UNK: variants seen among roughly 807,000 people sequenced by gnomAD.
UNK encodes the protein unk zinc finger.
Under a neutral mutation model 97.6 loss-of-function variants are expected in UNK, and 32 were observed. That is an observed-to-expected ratio of 0.33 (90% CI 0.25 to 0.44). The LOEUF (loss-of-function observed/expected upper bound fraction) is 0.44, where lower values mean the gene tolerates loss of function less well. Ranked by LOEUF, UNK falls within the 20% of genes least tolerant of loss-of-function variation. The probability of loss-of-function intolerance (pLI) is 1.00; values close to 1 mark genes in which losing one functional copy is unlikely to be tolerated. For synonymous variants in UNK, 441 were observed against 461.2 expected (o/e 0.96, Z 0.56); for missense variants, 771 against 1,098.4 (o/e 0.70, Z 4.21).
chr17:75,818,245 T>C lies in UNK; in HGVS notation c.1371+77T>C, dbSNP rs774502523. On this transcript the variant is annotated intron_variant, in intron 10 of 15. Coordinates refer to ENST00000589666, the MANE Select transcript of UNK (RefSeq NM_001080419.3). This position sits in a 1 kb window ranked among gnomAD's most constrained non-coding sequence, Gnocchi z 5.1. ...CAGAACCCCAGGAGGCTTCGGGGAG[T>C]GGGAGGCACCACTTTTCCCAAAAGC... 326 of 1,516,982 alleles carry C rather than the reference T, an allele frequency of 2.1e-4. 1 individual carries two copies. The highest frequency in any genetic ancestry group is 2.7e-4 in the Non-Finnish European group (303 of 1,106,764). The allele number at this position is 1,516,982 out of a possible 1,614,324, so 94.0% of individuals were successfully genotyped here. A position where few individuals can be genotyped will look rare whatever the true frequency, so the allele number is the denominator to read the frequency against.
chr17:75,808,222 C>T (rs375856479), intron 1 of UNK, among the ~76,000 whole-genome samples: 3 of 152,258 alleles, frequency 2.0e-5, no homozygotes, highest in African/African-American at 7.2e-5. Flanking sequence ...AGGCGTGGTA[C>T]CTTTGTGTAG....
rs531115454 is a variant in UNK at position 75,819,611 on chromosome 17, G to A, written c.1547-73G>A. ...CGTAGCATGGGCGTGAAGATGCAGC[G>A]TGGGCAGTAGACGAGGTGGTCAGGG... On this transcript the variant is annotated intron_variant, in intron 11 of 15. Coordinates refer to ENST00000589666, the MANE Select transcript of UNK (RefSeq NM_001080419.3). This position sits in a 1 kb window ranked among gnomAD's most constrained non-coding sequence, Gnocchi z 5.4. 1.1e-4 allele frequency: 154 copies of A among 1,389,356 alleles called. 1 individual carries two copies. Among genetic ancestry groups the A allele is most frequent in the Admixed American group, 4.4e-4 (26 of 59,324 alleles). The allele number at this position is 1,389,356 out of a possible 1,614,324, so 86.1% of individuals were successfully genotyped here.
chr17:75,822,404 C>T (rs769241783), intron 13 of UNK, 73 bp from the exon 14 acceptor site: 1 of 1,511,918 alleles, frequency 6.6e-7, no homozygotes, highest in Non-Finnish European at 8.9e-7. Context: ...TCCCTGGAAC[C>T]TCTGAGGCAG....
chr17:75,818,753 C>T lies in UNK; in HGVS notation c.1483C>T (p.Pro495Ser). The T allele has an allele frequency of 1.9e-6, 3 of 1,613,164 alleles. No individual in the cohort carries two copies. Among genetic ancestry groups the T allele is most frequent in the Non-Finnish European group, 2.5e-6 (3 of 1,179,526 alleles). Residue 495 changes from proline (P) to serine (S), a missense_variant, in exon 11 of 16, where the codon CCC (proline) becomes TCC (serine). By Grantham distance (74) the Pro-to-Ser change is moderately conservative. Transcript: ENST00000589666. The surrounding 1 kb of genome is among the most constrained non-coding windows in gnomAD (Gnocchi z 5.1). ...TAGCCCAGTGGGCACCAGCAGCGTCCCCGGCATGAATGCAAACGCTCTGCC... is the reference window on the plus strand; with the variant it reads ...TAGCCCAGTGGGCACCAGCAGCGTCTCCGGCATGAATGCAAACGCTCTGCC... ...PPSPVGTSSV[P>S]GMNANALPFY...
Position 75,816,905 on chromosome 17 carries a change from T to C in UNK, c.1097T>C (p.Leu366Pro). 6.2e-7 allele frequency: 1 copy of C among 1,602,852 alleles called. No individual in the cohort carries two copies. Among genetic ancestry groups the C allele is most frequent in the Non-Finnish European group, 8.5e-7 (1 of 1,178,464 alleles). Residue 366 changes from leucine (L) to proline (P), a missense_variant, in exon 8 of 16, where the codon CTC becomes CCC. Leu to Pro is a moderately conservative substitution (Grantham distance 98). Transcript: ENST00000589666. This position sits in a 1 kb window ranked among gnomAD's most constrained non-coding sequence, Gnocchi z 4.0. ...CCCTCCAGCCCGCATGCCCCTGACC[T>C]CAGTGCCGTACGTGTCCATCCTGGG... The part of the protein sequence containing the change: ...VSPSSPHAPD[L>P]SALLCRNSSL...
rs1229847832 is a variant in UNK, at chr17:75,824,209, T to C, written c.2278-53T>C. ...AGTGAGGATCAAGGGAACTCCTCGC[T>C]CAACTTGGGGCCAGACCCATGGATG... On this transcript the variant is annotated intron_variant, in intron 15 of 15. Transcript: ENST00000589666. The surrounding 1 kb of genome is among the most constrained non-coding windows in gnomAD (Gnocchi z 4.9). 2 of 1,511,138 alleles carry C rather than the reference T, an allele frequency of 1.3e-6. No individual in the cohort carries two copies. The highest frequency in any genetic ancestry group is 2.6e-5 in the East Asian group (1 of 38,852). 93.6% of individuals were successfully genotyped at this position (1,511,138 alleles called of 1,614,324 possible).
intron 14 of UNK, among the ~76,000 whole-genome samples, chr17:75,823,023 TCTAC>T (rs1199328523): frequency 6.6e-6 from 1 of 152,162 alleles, no homozygotes; most frequent in Non-Finnish European, 1.5e-5. Context: ...GAATCCCAGC[TCTAC>T]CCTGTGTCCC....
At chr17:75,798,151 A>G (rs1029789565) in intron 1 of UNK, among the ~76,000 whole-genome samples, 1 of 150,680 alleles carries the variant, frequency 6.6e-6, no homozygotes, top group Admixed American at 6.6e-5. Context: ...GCTCACTGCA[A>G]TCTCCGCCTC....
chr17:75,814,468 G>C (rs1413952651), intron 6 of UNK, among the ~76,000 whole-genome samples: 5 of 136,344 alleles, frequency 3.7e-5, no homozygotes, highest in Non-Finnish European at 7.7e-5. Context: ...CTCCAGCCTG[G>C]GTGACAGAGC....
chr17:75,822,711 C>A (rs1272632298), intron 14 of UNK, 53 bp downstream of exon 14: 3 of 1,506,334 alleles, frequency 2.0e-6, no homozygotes, highest in Non-Finnish European at 2.7e-6. Context: ...GCATCCAGCC[C>A]AAGACCTTCC....
Position 75,817,341 on chromosome 17 carries a change from A to C in UNK, c.1120A>C (p.Ser374Arg), listed in dbSNP as rs1370297238. 1.3e-6 allele frequency: 2 copies of C among 1,590,198 alleles called. No individual in the cohort carries two copies. Residue 374 changes from serine to arginine, a missense_variant, in exon 9 of 16, where the codon AGC becomes CGC. By Grantham distance (110) the Ser-to-Arg change is moderately radical (BLOSUM62 -1). Around this residue, in one of 5 missense-constraint regions of UNK, gnomAD observed 192 missense variants for 202.4 expected, o/e 0.95. Coordinates refer to ENST00000589666, the MANE Select transcript of UNK (RefSeq NM_001080419.3). The surrounding 1 kb of genome is among the most constrained non-coding windows in gnomAD (Gnocchi z 5.8). ...TTCTCCGCAGCTCCTCTGTAGAAAC[A>C]GCAGCCTAGGCAGCCCGTCTAACCT... Reference protein sequence around the residue: ...PDLSALLCRNSSLGSPSNLCG... With the variant: ...PDLSALLCRNRSLGSPSNLCG...
At chr17:75,799,071 C>T in intron 1 of UNK, among the ~76,000 whole-genome samples, 1 of 135,306 alleles carries the variant, frequency 7.4e-6, no homozygotes, top group Non-Finnish European at 1.6e-5. Context: ...ATCTCAAAAA[C>T]AAAAAAAAAA....
At chr17:75,791,056 C>G (rs562156911) in intron 1 of UNK, among the ~76,000 whole-genome samples, 2 of 152,308 alleles carry the variant, frequency 1.3e-5, no homozygotes, top group South Asian at 2.1e-4. Context: ...TGTCTTCATG[C>G]CTTCAACTGC....
intron 1 of UNK, among the ~76,000 whole-genome samples, chr17:75,802,374 C>T (rs971326387): frequency 1.3e-5 from 2 of 148,834 alleles, no homozygotes; most frequent in African/African-American, 4.9e-5. Context: ...CCTTTCACTT[C>T]AGCCTCCCAA....
intron 1 of UNK, among the ~76,000 whole-genome samples, chr17:75,801,790 G>A (rs8071650): frequency 0.35 from 52,777 of 150,750 alleles, 10,206 homozygotes; most frequent in African/African-American, 0.52. Flanking sequence ...TGATCCACCC[G>A]TCTCAGCCTC....
At position 75,813,968 on chromosome 17, in the gene UNK, G is replaced by GATGCC. The variant is rs745421032; in HGVS notation, c.876+93_876+97dup. The stretch of plus-strand genomic sequence containing the variant: ...TGGAGATGTTGGCAGAACCCATCCT[G>GATGCC]ATGCCATCCTGGAAGAGGGACTTGT... On this transcript the variant is annotated intron_variant, in intron 6 of 15. Transcript: ENST00000589666. 1,067 of 1,175,374 alleles carry GATGCC rather than the reference G, an allele frequency of 9.1e-4. 1 individual carries two copies. Among genetic ancestry groups the GATGCC allele is most frequent in the Non-Finnish European group, 9.9e-4 (842 of 848,850 alleles). 72.8% of individuals were successfully genotyped at this position (1,175,374 alleles called of 1,614,324 possible).
At chr17:75,820,559 G>T (rs1342645869) in intron 13 of UNK, among the ~76,000 whole-genome samples, 2 of 152,168 alleles carry the variant, frequency 1.3e-5, no homozygotes, top group Non-Finnish European at 2.9e-5. Flanking sequence ...CTGGCTTCGG[G>T]TGCCCTTCCT....
chr17:75,786,615 T>C (rs1599352541), intron 1 of UNK, among the ~76,000 whole-genome samples: 3 of 152,164 alleles, frequency 2.0e-5, no homozygotes, highest in Admixed American at 2.0e-4. Flanking sequence ...TCACAGCATT[T>C]TGGGAGGCCG....
intron 1 of UNK, among the ~76,000 whole-genome samples, chr17:75,803,995 A>C (rs2061887407): frequency 6.6e-6 from 1 of 152,262 alleles, no homozygotes; most frequent in Non-Finnish European, 1.5e-5. Flanking sequence ...ATGACAGCAA[A>C]TGTTTAAATC....
Sources: gnomAD v4.1 joint callset for allele counts (sites outside exome capture counted in the v4.1 genomes callset) on GRCh38, gnomAD v4.1.1 for gene constraint, gnomAD v4.1.1 regional missense constraint, Gnocchi (gnomAD v3.1) non-coding constraint, MANE v1.5 for transcripts, NCBI Gene and HGNC (gene_info 2026-07-23, HGNC 2026-07-21) for gene names.